The following RBFOX1 variants were observed in gnomAD, a reference collection of about 807,000 sequenced individuals.
The protein encoded by RBFOX1 is RNA binding protein fox-1 homolog 1.
Under a neutral mutation model 57.7 loss-of-function variants are expected in RBFOX1, and 8 were observed. The observed-to-expected ratio is 0.14, with a 90% CI of 0.08 to 0.25. The LOEUF is 0.25. Among genes scored for constraint, RBFOX1 ranks in the 10% least tolerant of loss-of-function variants. The pLI, the probability that RBFOX1 is intolerant of heterozygous loss-of-function variation, is 1.00. For synonymous variants in RBFOX1, 326 were observed against 222.4 expected (o/e 1.47, Z -4.15); for missense variants, 611 against 548.5 (o/e 1.11, Z -1.14).
At chr16:7,258,403 AT>A (rs556224592) in intron 4 of RBFOX1, among the ~76,000 whole-genome samples, 402 of 152,254 alleles carry the variant, frequency 2.6e-3, no homozygotes, top group South Asian at 7.0e-3. Flanking sequence ...ACTTGGGAAG[AT>A]TTGACATTCT....
intron 1 of RBFOX1, among the ~76,000 whole-genome samples, chr16:5,379,910 T>G (rs187254474): frequency 1.4e-3 from 215 of 152,312 alleles, no homozygotes; most frequent in African/African-American, 5.1e-3. Context: ...TCCTTGCACT[T>G]GGCCCCCTTG....
chr16:5,844,642 C>T (rs1156796552), intron 3 of RBFOX1, among the ~76,000 whole-genome samples: 2 of 152,074 alleles, frequency 1.3e-5, no homozygotes, highest in African/African-American at 4.8e-5. Flanking sequence ...AAATATTTGT[C>T]CTGAATGAAA....
intron 2 of RBFOX1, among the ~76,000 whole-genome samples, chr16:6,652,877 G>A (rs943170817): frequency 4.6e-5 from 7 of 152,148 alleles, no homozygotes; most frequent in African/African-American, 1.7e-4. Context: ...CCAGAACTGT[G>A]CACCTACCAT....
At chr16:6,091,105 C>G (rs929194092) in intron 1 of RBFOX1, among the ~76,000 whole-genome samples, 1 of 152,184 alleles carries the variant, frequency 6.6e-6, no homozygotes, top group Non-Finnish European at 1.5e-5. Flanking sequence ...TAATACATTA[C>G]TGTTAACTAT....
intron 4 of RBFOX1, among the ~76,000 whole-genome samples, chr16:7,298,446 G>T (rs950066327): frequency 1.3e-5 from 2 of 151,982 alleles, no homozygotes; most frequent in Non-Finnish European, 2.9e-5. Flanking sequence ...GTGCGACTAT[G>T]CCTGAGGGCT....
chr16:6,870,940 GT>G (rs955717068), intron 3 of RBFOX1, among the ~76,000 whole-genome samples: 25 of 152,230 alleles, frequency 1.6e-4, no homozygotes, highest in Middle Eastern at 3.4e-3. Context: ...ATTTCTATCC[GT>G]AAGTGTCCAT....
At chr16:6,955,376 G>C (rs1218186131) in intron 3 of RBFOX1, among the ~76,000 whole-genome samples, 2 of 136,756 alleles carry the variant, frequency 1.5e-5, no homozygotes, top group African/African-American at 5.6e-5. Context: ...ACACACACGT[G>C]CACATACACA....
chr16:5,819,494 A>G (rs1409806975), intron 3 of RBFOX1, among the ~76,000 whole-genome samples: 2 of 152,212 alleles, frequency 1.3e-5, no homozygotes, highest in South Asian at 2.1e-4. Flanking sequence ...TGCCACTTCT[A>G]TGAAACCCTA....
intron 1 of RBFOX1, among the ~76,000 whole-genome samples, chr16:6,069,776 C>T (rs1443042955): frequency 6.6e-6 from 1 of 152,054 alleles, no homozygotes; most frequent in Non-Finnish European, 1.5e-5. Context: ...CACTTGAGTT[C>T]AGGAGTTTGA....
downstream of RBFOX1, among the ~76,000 whole-genome samples, chr16:5,602,127 T>G (rs2047385625): frequency 6.6e-6 from 1 of 152,228 alleles, no homozygotes; most frequent in African/African-American, 2.4e-5. Context: ...CTCTCACAGG[T>G]CAGCTTCCTG....
At chr16:5,498,131 T>C (rs1422277060) in intron 2 of RBFOX1, among the ~76,000 whole-genome samples, 3 of 151,962 alleles carry the variant, frequency 2.0e-5, no homozygotes, top group Non-Finnish European at 4.4e-5. Context: ...GGATTGCATT[T>C]TATTCTTTTG....
chr16:7,026,657 C>T (rs993538743), intron 3 of RBFOX1, among the ~76,000 whole-genome samples: 2 of 152,168 alleles, frequency 1.3e-5, no homozygotes, highest in Admixed American at 1.3e-4. Context: ...CCAGCTGAAA[C>T]AACCAGAAAT....
chr16:6,831,938 G>A (rs979700606), intron 3 of RBFOX1, among the ~76,000 whole-genome samples: 2 of 152,094 alleles, frequency 1.3e-5, no homozygotes, highest in Non-Finnish European at 2.9e-5. Context: ...CTAAAGGGGT[G>A]GAATAAAATT....
intron 2 of RBFOX1, among the ~76,000 whole-genome samples, chr16:5,511,661 C>A: frequency 6.6e-6 from 1 of 152,138 alleles, no homozygotes; most frequent in Non-Finnish European, 1.5e-5. Flanking sequence ...GAAGAAGAAT[C>A]AGAGAGTTAA....
At chr16:6,762,952 C>A (rs1377979006) in intron 3 of RBFOX1, among the ~76,000 whole-genome samples, 1 of 152,058 alleles carries the variant, frequency 6.6e-6, no homozygotes, top group East Asian at 1.9e-4. Context: ...AGTAGGAGTT[C>A]CCCAAATGAA....
chr16:7,216,061 C>G (rs116138927), intron 4 of RBFOX1, among the ~76,000 whole-genome samples: 2,051 of 152,188 alleles, frequency 0.013, 59 homozygotes, highest in African/African-American at 0.046. Flanking sequence ...AGTATTTGTT[C>G]TTTTGTATTT....
intron 1 of RBFOX1, among the ~76,000 whole-genome samples, chr16:5,462,946 A>G (rs1423988376): frequency 6.6e-6 from 1 of 152,200 alleles, no homozygotes; most frequent in Non-Finnish European, 1.5e-5. Context: ...GTTATCCATG[A>G]TTTGTCTGGG....
chr16:6,793,848 C>G lies in RBFOX1; in HGVS notation c.-16+139198C>G, dbSNP rs543654074. ...GAAGGTGATGTATTAAAGTGGAGGT[C>G]TGGTATAGCTGATGGAAATGAGTTT... On this transcript the variant is annotated intron_variant, in intron 3 of 15. Coordinates refer to ENST00000550418, the MANE Select transcript of RBFOX1 (RefSeq NM_018723.4). Among the ~76,000 whole-genome samples, 32 of 152,072 alleles carry G rather than the reference C, an allele frequency of 2.1e-4. 1 individual carries two copies. The highest frequency in any genetic ancestry group is 4.3e-4 in the African/African-American group (18 of 41,462).
At chr16:7,174,690 G>C (rs984165199) in intron 4 of RBFOX1, among the ~76,000 whole-genome samples, 2 of 152,204 alleles carry the variant, frequency 1.3e-5, no homozygotes, top group Non-Finnish European at 2.9e-5. Context: ...TGAGGCAGGA[G>C]AATCACTTGA....
Sources: allele counts gnomAD v4.1 joint callset (sites outside exome capture counted in the v4.1 genomes callset), GRCh38; gene constraint gnomAD v4.1.1; transcripts MANE v1.5; gene names NCBI Gene and HGNC (gene_info 2026-07-23, HGNC 2026-07-21).